RILPL2: variants seen among roughly 807,000 people sequenced by gnomAD.
RILPL2 encodes RILP-like protein 2.
Under a neutral mutation model 22.2 loss-of-function variants are expected in RILPL2, and 19 were observed. The ratio of observed to expected loss-of-function variants is 0.86; its 90% CI spans 0.60 to 1.25. The LOEUF is 1.25. RILPL2 is among the 50% of genes most tolerant of loss of function. The pLI is 0.00. For missense variants in RILPL2, 243 were observed against 263.6 expected (o/e 0.92, Z 0.54); for synonymous variants, 123 against 111.6 (o/e 1.10, Z -0.64).
chr12:123,415,814 A>G lies in RILPL2; in HGVS notation c.*77T>C. On this transcript the variant is annotated 3_prime_UTR_variant, in exon 4 of 4. Coordinates refer to ENST00000280571, the MANE Select transcript of RILPL2 (RefSeq NM_145058.3). ...CAGGCCTAGTGTGTCTGTGTGGCACAGGGAGGTGGTTTTGCCAGGCATCTT... is the reference window on the plus strand; with the variant it reads ...CAGGCCTAGTGTGTCTGTGTGGCACGGGGAGGTGGTTTTGCCAGGCATCTT... The G allele has an allele frequency of 1.5e-6, 2 of 1,374,868 alleles. No homozygotes were observed. The highest frequency in any genetic ancestry group is 1.7e-5 in the Admixed American group (1 of 59,674). 85.2% of individuals were successfully genotyped at this position (1,374,868 alleles called of 1,614,324 possible).
At chr12:123,424,622 C>T (rs868814193) in intron 2 of RILPL2, among the ~76,000 whole-genome samples, 4 of 152,204 alleles carry the variant, frequency 2.6e-5, no homozygotes, top group African/African-American at 9.6e-5. Flanking sequence ...TGAGCCACCA[C>T]ACCCAGCCCC....
downstream of RILPL2, among the ~76,000 whole-genome samples, chr12:123,410,500 G>T (rs529833124): frequency 6.6e-6 from 1 of 152,240 alleles, no homozygotes. Flanking sequence ...CTGCCCACTT[G>T]ACTTGCCTCC....
intron 3 of RILPL2, among the ~76,000 whole-genome samples, chr12:123,417,159 C>T (rs1022562037): frequency 6.6e-6 from 1 of 151,756 alleles, no homozygotes; most frequent in African/African-American, 2.4e-5. Flanking sequence ...ATTAGCTGGG[C>T]ATGATGGTGA....
intron 3 of RILPL2, among the ~76,000 whole-genome samples, chr12:123,419,957 C>T (rs998664748): frequency 1.3e-5 from 2 of 149,726 alleles, no homozygotes; most frequent in Non-Finnish European, 3.0e-5. Context: ...TCCCAAGTAG[C>T]TGGGACTATA....
chr12:123,432,020 T>C (rs912762873), intron 1 of RILPL2, among the ~76,000 whole-genome samples: 1 of 151,498 alleles, frequency 6.6e-6, no homozygotes, highest in Non-Finnish European at 1.5e-5. Context: ...TCAGCCTCCC[T>C]AGTAGCTGGG....
intron 3 of RILPL2, among the ~76,000 whole-genome samples, chr12:123,416,500 G>A (rs1879122546): frequency 6.6e-6 from 1 of 151,818 alleles, no homozygotes; most frequent in Non-Finnish European, 1.5e-5. Flanking sequence ...TTAGCCGGGT[G>A]TGGTGGCGGG....
At chr12:123,423,362 C>T (rs531741446) in intron 2 of RILPL2, among the ~76,000 whole-genome samples, 5 of 151,672 alleles carry the variant, frequency 3.3e-5, no homozygotes, top group South Asian at 4.2e-4. Context: ...CCACCATGCT[C>T]GGCTAATTTT....
chr12:123,431,451 AAG>A (rs1033109604), intron 1 of RILPL2, among the ~76,000 whole-genome samples: 2 of 152,126 alleles, frequency 1.3e-5, no homozygotes, highest in African/African-American at 4.8e-5. Context: ...TTGCAAGATG[AAG>A]AGAGTTCTGG....
rs532220806 is a variant in RILPL2 at position 123,434,977 on chromosome 12, C to T, written c.339+1105G>A. ...GTCACTTGAGGCCAGGAGTTTGAGACCAGCCTGGCCAACATGGTGAAACCC... is the reference window on the plus strand; with the variant it reads ...GTCACTTGAGGCCAGGAGTTTGAGATCAGCCTGGCCAACATGGTGAAACCC... On this transcript the variant is annotated intron_variant, in intron 1 of 3. Coordinates refer to ENST00000280571, the MANE Select transcript of RILPL2 (RefSeq NM_145058.3). 2.0e-5 allele frequency among the ~76,000 whole-genome samples: 3 copies of T among 150,734 alleles called. No individual in the cohort carries two copies. The East Asian group carries it at 5.9e-4, about 30-fold the overall frequency.
rs1879096028 is a variant in RILPL2, at chr12:123,415,634, C to T, written c.*257G>A. The T allele has an allele frequency of 8.7e-6, 5 of 574,598 alleles. No homozygotes were observed. Among genetic ancestry groups the T allele is most frequent in the East Asian group, 2.9e-5 (1 of 34,454 alleles). 35.6% of individuals were successfully genotyped at this position (574,598 alleles called of 1,614,324 possible). A position where few individuals can be genotyped will look rare whatever the true frequency, so the allele number is the denominator to read the frequency against. On this transcript the variant is annotated 3_prime_UTR_variant, in exon 4 of 4. Coordinates refer to ENST00000280571, the MANE Select transcript of RILPL2 (RefSeq NM_145058.3). ...ACATGGGAGCAGGAAGTGGACCCCC[C>T]CACCCTGCACATCCCTTCTGTTTTT... is the stretch of plus-strand genomic sequence containing the variant.
Position 123,430,266 on chromosome 12 carries a change from A to C in RILPL2, c.491+242T>G, listed in dbSNP as rs535939738. 1.5e-3 allele frequency among the ~76,000 whole-genome samples: 220 copies of C among 150,104 alleles called. 3 individuals are homozygous for C. The East Asian group carries it at 0.034, about 24-fold the overall frequency. ...CTACTAAAAATACAAAAAATTAGCCAGGCACGGTGGCGGGCGCCTGTAGTC... is the reference window on the plus strand; with the variant it reads ...CTACTAAAAATACAAAAAATTAGCCCGGCACGGTGGCGGGCGCCTGTAGTC... On this transcript the variant is annotated intron_variant, in intron 2 of 3. Transcript: ENST00000280571.
At chr12:123,435,559 A>G (rs562561543) in intron 1 of RILPL2, among the ~76,000 whole-genome samples, 2 of 149,866 alleles carry the variant, frequency 1.3e-5, no homozygotes, top group South Asian at 4.2e-4. Flanking sequence ...GGTAACGGTG[A>G]GACCCCCATC....
At position 123,415,280 on chromosome 12, in the gene RILPL2, C is replaced by A. The variant is rs1879084282; in HGVS notation, c.*611G>T. ...ACCAGATAATCGTGCATCGCTTAGACTGAATGAATGCAATTGATTCATTAT... is the reference window on the plus strand; with the variant it reads ...ACCAGATAATCGTGCATCGCTTAGAATGAATGAATGCAATTGATTCATTAT... On this transcript the variant is annotated 3_prime_UTR_variant, in exon 4 of 4. Coordinates refer to ENST00000280571, the MANE Select transcript of RILPL2 (RefSeq NM_145058.3). 6.5e-6 allele frequency: 1 copy of A among 152,838 alleles called. No homozygotes were observed. The highest frequency in any genetic ancestry group is 1.5e-5 in the Non-Finnish European group (1 of 68,290). 9.5% of individuals were successfully genotyped at this position (152,838 alleles called of 1,614,324 possible).
Position 123,430,532 on chromosome 12 carries a change from T to C in RILPL2, c.467A>G (p.Gln156Arg). Residue 156 changes from glutamine (Q) to arginine (R), a missense_variant, in exon 2 of 4, where the codon CAG becomes CGG. Coordinates refer to ENST00000280571, the MANE Select transcript of RILPL2 (RefSeq NM_145058.3). Reference protein sequence around the residue: ...NKLKSQLLVVQEELQCYKSGL... With the variant: ...NKLKSQLLVVREELQCYKSGL... ...CCTCTTGTAGCACTGCAGCTCTTCC[T>C]GCACCACCAGGAGCTGCGACTTGAG... is the stretch of plus-strand genomic sequence containing the variant. The C allele has an allele frequency of 1.2e-6, 2 of 1,607,870 alleles. No individual in the cohort carries two copies. The highest frequency in any genetic ancestry group is 1.1e-5 in the South Asian group (1 of 90,636).
In RILPL2 at chr12:123,433,105, T is replaced by C. The variant is rs1429982932; in HGVS notation, c.340-2446A>G. On this transcript the variant is annotated intron_variant, in intron 1 of 3. Coordinates refer to ENST00000280571, the MANE Select transcript of RILPL2 (RefSeq NM_145058.3). The stretch of plus-strand genomic sequence containing the variant: ...CTGGCTTACTTCTTGGTTTGTATAC[T>C]TTTTTTTTTTTTTTTTTGAGACGAA... Among the ~76,000 whole-genome samples, 4 of 80,276 alleles carry C rather than the reference T, an allele frequency of 5.0e-5. No homozygotes were observed. In the East Asian group the frequency reaches 6.2e-4, roughly 12 times the overall value. 52.7% of individuals were successfully genotyped at this position (80,276 alleles called of 152,430 possible). A position where few individuals can be genotyped will look rare whatever the true frequency, so the allele number is the denominator to read the frequency against.
chr12:123,418,605 G>T lies in RILPL2; in HGVS notation c.606-2684C>A, dbSNP rs186047470. On this transcript the variant is annotated intron_variant, in intron 3 of 3. Coordinates refer to ENST00000280571, the MANE Select transcript of RILPL2 (RefSeq NM_145058.3). ...GACCCTCAGTAAATATTTGTTGAAT[G>T]AATGGAGTACAGGAAAGCTGCAGCC... Among the ~76,000 whole-genome samples the T allele has an allele frequency of 1.3e-3, 192 of 152,220 alleles. 1 individual carries two copies. Among genetic ancestry groups the T allele is most frequent in the African/African-American group, 4.4e-3 (181 of 41,550 alleles).
intron 2 of RILPL2, among the ~76,000 whole-genome samples, chr12:123,427,605 C>T (rs1011286049): frequency 3.3e-5 from 5 of 151,536 alleles, no homozygotes; most frequent in Non-Finnish European, 7.4e-5. Context: ...TGCAGTGACA[C>T]ATCTCAGCTC....
intron 1 of RILPL2, among the ~76,000 whole-genome samples, chr12:123,434,817 C>T (rs1246743252): frequency 1.3e-5 from 2 of 151,880 alleles, no homozygotes; most frequent in Non-Finnish European, 1.5e-5. Flanking sequence ...CCCTTCTTTT[C>T]CCCCCACCAC....
At chr12:123,424,896 T>C in intron 2 of RILPL2, among the ~76,000 whole-genome samples, 1 of 151,438 alleles carries the variant, frequency 6.6e-6, no homozygotes, top group African/African-American at 2.4e-5. Context: ...TTATTTATTT[T>C]TTTGAGACAG....
Sources: gnomAD v4.1 joint callset for allele counts (sites outside exome capture counted in the v4.1 genomes callset) on GRCh38, gnomAD v4.1.1 for gene constraint, MANE v1.5 for transcripts, NCBI Gene and HGNC (gene_info 2026-07-23, HGNC 2026-07-21) for gene names.